Variants in DRC4 observed in about 807,000 individuals in gnomAD.
The protein encoded by DRC4 is dynein regulatory complex subunit 4.
chr16:90,029,028 T>C, the DRC4 span: 2 of 1,303,320 alleles, frequency 1.5e-6, no homozygotes, highest in Non-Finnish European at 2.0e-6. Flanking sequence ...AGCTGCTGGA[T>C]GGAGAATGGA....
chr16:90,041,444 A>G, the DRC4 span, among the ~76,000 whole-genome samples: 1 of 152,190 alleles, frequency 6.6e-6, no homozygotes, highest in Non-Finnish European at 1.5e-5. Flanking sequence ...CTGCCTCGCC[A>G]CGTGGTGAGA....
the DRC4 span, chr16:90,036,761 C>G: frequency 2.8e-6 from 2 of 715,852 alleles, no homozygotes; most frequent in Admixed American, 4.0e-5. Context: ...ATAACGTAAC[C>G]TATCTCTACC....
the DRC4 span, among the ~76,000 whole-genome samples, chr16:90,040,757 C>T: frequency 2.2e-4 from 34 of 151,644 alleles, no homozygotes; most frequent in East Asian, 3.3e-3. Context: ...CTGGTTGGGG[C>T]CAGCACAGAA....
the DRC4 span, chr16:90,022,614 A>T: frequency 4.8e-6 from 6 of 1,252,730 alleles, no homozygotes; most frequent in Admixed American, 1.7e-4. Flanking sequence ...TCTCGCGAGG[A>T]TCTTGTGACT....
chr16:90,035,860 C>G, the DRC4 span: 1 of 1,498,624 alleles, frequency 6.7e-7, no homozygotes, highest in Non-Finnish European at 8.9e-7. Flanking sequence ...ACTCAGAATC[C>G]CAGAACAACC....
chr16:90,043,278 T>C, the DRC4 span: 1 of 1,613,486 alleles, frequency 6.2e-7, no homozygotes, highest in African/African-American at 1.3e-5. Flanking sequence ...TTCAAGCCCT[T>C]GGAAACAGCT....
At chr16:90,021,960 T>A in the DRC4 span, 1 of 152,038 alleles carries the variant, frequency 6.6e-6, no homozygotes, top group Non-Finnish European at 1.5e-5. Context: ...GATGGCAGAT[T>A]CATTTTAGAA....
the DRC4 span, chr16:90,027,855 C>T: frequency 1.1e-5 from 8 of 737,498 alleles, no homozygotes; most frequent in Admixed American, 1.1e-4. Context: ...CCCCGCGTGG[C>T]CCATAATTCC....
the DRC4 span, chr16:90,022,355 C>G: frequency 1.4e-4 from 31 of 225,800 alleles, no homozygotes; most frequent in Non-Finnish European, 2.2e-4. Context: ...ATTGATCATT[C>G]CTTCAATGGT....
the DRC4 span, chr16:90,036,964 G>C: frequency 1.8e-6 from 1 of 561,404 alleles, no homozygotes; most frequent in Non-Finnish European, 3.2e-6. Context: ...GCAGTGACAG[G>C]ATTTTCTACA....
chr16:90,030,410 G>A, the DRC4 span, among the ~76,000 whole-genome samples: 5 of 151,836 alleles, frequency 3.3e-5, no homozygotes, highest in Admixed American at 6.6e-5. Context: ...GTGTGATCAC[G>A]GCTCACGGCA....
the DRC4 span, among the ~76,000 whole-genome samples, chr16:90,038,064 C>G: frequency 1.3e-5 from 2 of 152,368 alleles, no homozygotes; most frequent in African/African-American, 4.8e-5. Context: ...CCCTGTAACT[C>G]ATTCCGCAGC....
the DRC4 span, chr16:90,029,197 C>CCTACGGGGCAGG: frequency 1.2e-5 from 16 of 1,351,292 alleles, no homozygotes; most frequent in Admixed American, 2.5e-4. Context: ...TATGGGGCAG[C>CCTACGGGGCAGG]CTACGGGGCA....
At chr16:90,024,532 C>T in the DRC4 span, among the ~76,000 whole-genome samples, 1 of 152,164 alleles carries the variant, frequency 6.6e-6, no homozygotes, top group South Asian at 2.1e-4. Flanking sequence ...GTTTATCTGC[C>T]TAGTGACCTT....
chr16:90,044,000 G>C, the DRC4 span: 1 of 418,364 alleles, frequency 2.4e-6, no homozygotes. Context: ...CTGAGATGGA[G>C]AGGCCAGGAG....
the DRC4 span, chr16:90,042,942 G>A: frequency 1.9e-6 from 1 of 533,136 alleles, no homozygotes; most frequent in Non-Finnish European, 3.4e-6. Context: ...GCTCTGCCCT[G>A]AGTGTCCCTG....
chr16:90,027,089 C>CT, the DRC4 span, among the ~76,000 whole-genome samples: 42,041 of 133,480 alleles, frequency 0.31, 6,690 homozygotes, highest in South Asian at 0.43. Context: ...GGTTTCCTCT[C>CT]TTTTTTTTTT....
At chr16:90,019,721 C>T in the DRC4 span, 2 of 635,036 alleles carry the variant, frequency 3.1e-6, no homozygotes, top group South Asian at 1.7e-5. This position sits in a 1 kb window ranked among gnomAD's most constrained non-coding sequence, Gnocchi z 6.1. Flanking sequence ...GGCTCCTGCG[C>T]ACTCACTTGG....
At chr16:90,024,024 AAACC>A in the DRC4 span, among the ~76,000 whole-genome samples, 1 of 151,490 alleles carries the variant, frequency 6.6e-6, no homozygotes. Flanking sequence ...TGACGCCTGT[AAACC>A]CAGCACTTTA....
Sources: gnomAD v4.1 joint callset for allele counts (sites outside exome capture counted in the v4.1 genomes callset) on GRCh38, gnomAD v4.1.1 for gene constraint, Gnocchi (gnomAD v3.1) non-coding constraint, MANE v1.5 for transcripts, NCBI Gene and HGNC (gene_info 2026-07-23, HGNC 2026-07-21) for gene names.